Variants in NLRP1 observed in about 807,000 individuals in gnomAD.
NLRP1 encodes NACHT, LRR and PYD domains-containing protein 1.
NLRP1 carries 94 observed loss-of-function variants against 136.7 expected under a neutral mutation model. That is an observed-to-expected ratio of 0.69 (90% CI 0.58 to 0.82). The LOEUF is 0.82. NLRP1 is among the 40% of genes least tolerant of loss of function. The pLI is 0.00. For synonymous variants in NLRP1, 690 were observed against 725.1 expected (o/e 0.95, Z 0.78); for missense variants, 1,575 against 1,802.7 (o/e 0.87, Z 2.29).
intron 4 of NLRP1, among the ~76,000 whole-genome samples, chr17:5,554,983 C>T (rs1314626430): frequency 6.6e-6 from 1 of 150,732 alleles, no homozygotes; most frequent in Non-Finnish European, 1.5e-5. Context: ...GGTCATGCCA[C>T]TGCACTATTC....
chr17:5,547,450 G>A (rs1021577228), intron 5 of NLRP1, among the ~76,000 whole-genome samples: 1 of 152,216 alleles, frequency 6.6e-6, no homozygotes, highest in Non-Finnish European at 1.5e-5. Flanking sequence ...ACCTGTGTGT[G>A]TCTGGCTCCA....
chr17:5,576,421 C>G (rs140592944), intron 3 of NLRP1, among the ~76,000 whole-genome samples: 2,699 of 152,176 alleles, frequency 0.018, 73 homozygotes, highest in African/African-American at 0.062. Flanking sequence ...CAAATAGATG[C>G]AATAAGAAAT....
At chr17:5,517,684 C>CAA in intron 15 of NLRP1, 62 bp downstream of exon 15, 1 of 1,592,474 alleles carries the variant, frequency 6.3e-7, no homozygotes, top group Non-Finnish European at 8.6e-7. Flanking sequence ...CTGTGCCCAG[C>CAA]TCCTTCATTG....
rs768684442 is a variant in NLRP1, at chr17:5,581,987, T to C, written c.524A>G (p.Asn175Ser). 6 of 1,613,318 alleles carry C rather than the reference T, an allele frequency of 3.7e-6. No homozygotes were observed. Among genetic ancestry groups the C allele is most frequent in the Admixed American group, 1.7e-5 (1 of 59,888 alleles). The change falls in exon 3 of 17, where the codon AAC (asparagine) becomes AGC (serine). Residue 175 changes from asparagine (N) to serine (S), a missense_variant. Coordinates refer to ENST00000572272, the MANE Select transcript of NLRP1 (RefSeq NM_033004.4). The part of the protein sequence containing the change: ...DHESPSQESP[N>S]APTSTAVLGS... The stretch of plus-strand genomic sequence containing the variant: ...CAGCACTGCTGTGGATGTGGGGGCG[T>C]TGGGTGACTCCTGGCTTGGAGACTC...
chr17:5,553,770 T>C (rs567073976), intron 4 of NLRP1, among the ~76,000 whole-genome samples: 1 of 152,152 alleles, frequency 6.6e-6, no homozygotes, highest in East Asian at 1.9e-4. Flanking sequence ...CTACAGCCCT[T>C]ACCATAGCAC....
intron 8 of NLRP1, among the ~76,000 whole-genome samples, chr17:5,536,023 C>T (rs1055325740): frequency 1.1e-4 from 16 of 152,242 alleles, no homozygotes; most frequent in African/African-American, 1.7e-4. Flanking sequence ...TTGTGATCAT[C>T]GCTTTCATTG....
intron 3 of NLRP1, among the ~76,000 whole-genome samples, chr17:5,571,651 T>C (rs1904365399): frequency 6.6e-6 from 1 of 152,160 alleles, no homozygotes; most frequent in Non-Finnish European, 1.5e-5. Flanking sequence ...GAATAATCAA[T>C]ATTGTTAAAA....
intron 3 of NLRP1, among the ~76,000 whole-genome samples, chr17:5,573,384 C>A (rs911911974): frequency 6.6e-6 from 1 of 152,212 alleles, no homozygotes; most frequent in Non-Finnish European, 1.5e-5. Flanking sequence ...GACTCCACCT[C>A]TGGGGGCAGG....
In NLRP1 at chr17:5,558,560, C is replaced by T. The variant is rs778917448; in HGVS notation, c.2136G>A (p.Gln712=). The stretch of plus-strand genomic sequence containing the variant: ...AGTGGAGGGACTCCAGAGAGTGTGG[C>T]TGCAGCAGCAGCTGCAGGGACGGGA... ...QWVPSLQLLL[Q]PHSLESLHCL... The change falls in exon 4 of 17, where the codon CAG becomes CAA. Residue 712 remains glutamine (Q), a synonymous_variant. Coordinates refer to ENST00000572272, the MANE Select transcript of NLRP1 (RefSeq NM_033004.4). 2 of 1,614,060 alleles carry T rather than the reference C, an allele frequency of 1.2e-6. No individual in the cohort carries two copies. The highest frequency in any genetic ancestry group is 4.5e-5 in the East Asian group (2 of 44,860).
intron 14 of NLRP1, among the ~76,000 whole-genome samples, chr17:5,519,955 C>T (rs1401091951): frequency 2.8e-5 from 4 of 141,858 alleles, no homozygotes; most frequent in African/African-American, 1.0e-4. Flanking sequence ...CTCCCAGGTT[C>T]AAGTGATTCT....
chr17:5,560,009 T>G lies in NLRP1; in HGVS notation c.687A>C (p.Lys229Asn). The G allele has an allele frequency of 6.3e-7, 1 of 1,575,302 alleles. No individual in the cohort carries two copies. The highest frequency in any genetic ancestry group is 8.6e-7 in the Non-Finnish European group (1 of 1,163,888). ...CCACCGCTGCCCATGGGGGCCTGCC[T>G]TTCTCTGATTTCTCTCTCTCTCTTT... ...IREREREKSE[K>N]GRPPWAAVVG... Residue 229 changes from lysine (K) to asparagine (N), a missense_variant, in exon 4 of 17, where the codon AAA becomes AAC. Coordinates refer to ENST00000572272, the MANE Select transcript of NLRP1 (RefSeq NM_033004.4).
chr17:5,543,385 G>C (rs1001128060), intron 5 of NLRP1, among the ~76,000 whole-genome samples: 1 of 152,162 alleles, frequency 6.6e-6, no homozygotes, highest in Non-Finnish European at 1.5e-5. Flanking sequence ...ACAGCACGCG[G>C]TTAGTATAGT....
At chr17:5,545,728 G>C (rs999402390) in intron 5 of NLRP1, among the ~76,000 whole-genome samples, 2 of 152,176 alleles carry the variant, frequency 1.3e-5, no homozygotes, top group Non-Finnish European at 2.9e-5. Context: ...ATGTGGCTCT[G>C]TGCTCACTGC....
Position 5,520,871 on chromosome 17 carries a change from G to A in NLRP1, c.3915+10C>T. ...GTTCGCAGTGAAGAGGCAGACACTGGGCTGCTCACCTTGGGGAGTATTTCC... is the reference window on the plus strand; with the variant it reads ...GTTCGCAGTGAAGAGGCAGACACTGAGCTGCTCACCTTGGGGAGTATTTCC... On this transcript the variant is annotated intron_variant, in intron 14 of 16. Transcript: ENST00000572272. The A allele has an allele frequency of 6.3e-7, 1 of 1,582,074 alleles. No individual in the cohort carries two copies. The highest frequency in any genetic ancestry group is 8.6e-7 in the Non-Finnish European group (1 of 1,160,948).
intron 5 of NLRP1, among the ~76,000 whole-genome samples, chr17:5,543,599 T>C (rs1276776334): frequency 1.3e-5 from 2 of 151,422 alleles, no homozygotes; most frequent in Non-Finnish European, 2.9e-5. Flanking sequence ...GAGGTTGTAG[T>C]GAGCTGAGAT....
chr17:5,554,905 C>T (rs1913847006), intron 4 of NLRP1, among the ~76,000 whole-genome samples: 1 of 151,770 alleles, frequency 6.6e-6, no homozygotes, highest in Admixed American at 6.6e-5. Flanking sequence ...ACCTGTAGTC[C>T]CAGCTACTCA....
rs780135559 is a variant in NLRP1 at position 5,520,954 on chromosome 17, A to G, written c.3842T>C (p.Leu1281Pro). The change falls in exon 14 of 17, where the codon CTG (leucine) becomes CCG (proline). Residue 1281 changes from leucine (L) to proline (P), a missense_variant. Coordinates refer to ENST00000572272, the MANE Select transcript of NLRP1 (RefSeq NM_033004.4). Reference sequence around the variant, plus strand: ...ACGACAGCCCATATAAAGTGGGGTCAGCGGGGGTGGCTTGTGGATTCGCAC... The same window carrying G: ...ACGACAGCCCATATAAAGTGGGGTCGGCGGGGGTGGCTTGTGGATTCGCAC... ...QFVRIHKPPP[L>P]TPLYMGCRYT... 1.9e-6 allele frequency: 3 copies of G among 1,612,476 alleles called. No homozygotes were observed. The highest frequency in any genetic ancestry group is 2.7e-5 in the African/African-American group (2 of 74,896).
In NLRP1 at chr17:5,541,836, CT is replaced by C. The variant is rs151281306; in HGVS notation, c.2699+20del. ...GGCAGGCAGTTCCCTCCACCTCCCC[CT>C]GCCCACCAAGAACAATTACTGCAGT... is the stretch of plus-strand genomic sequence containing the variant. On this transcript the variant is annotated intron_variant, in intron 6 of 16. Transcript: ENST00000572272. This position sits in a 1 kb window ranked among gnomAD's most constrained non-coding sequence, Gnocchi z 4.2. 1.8e-3 allele frequency: 2,881 copies of C among 1,612,744 alleles called. 46 individuals are homozygous for C. The African/African-American group carries it at 0.031, about 18-fold the overall frequency.
downstream of NLRP1, among the ~76,000 whole-genome samples, chr17:5,511,398 G>A (rs909597418): frequency 6.7e-6 from 1 of 149,610 alleles, no homozygotes. Context: ...CTGAGATTGC[G>A]CCACTGCACT....
Sources: gnomAD v4.1 joint callset for allele counts (sites outside exome capture counted in the v4.1 genomes callset) on GRCh38, gnomAD v4.1.1 for gene constraint, Gnocchi (gnomAD v3.1) non-coding constraint, MANE v1.5 for transcripts, NCBI Gene and HGNC (gene_info 2026-07-23, HGNC 2026-07-21) for gene names.